Variants in ESRRG observed in about 807,000 individuals in gnomAD.
ESRRG encodes the protein estrogen related receptor gamma, also known as estrogen-related receptor gamma.
ESRRG carries 13 observed loss-of-function variants against 44.0 expected under a neutral mutation model. The observed-to-expected ratio is 0.30, with a 90% confidence interval of 0.19 to 0.47. ESRRG has a LOEUF of 0.47. Ranked by LOEUF, ESRRG falls within the 20% of genes least tolerant of loss-of-function variation. The pLI is 1.00. For synonymous variants in ESRRG, 215 were observed against 214.6 expected (o/e 1.00, Z -0.02); for missense variants, 395 against 580.6 (o/e 0.68, Z 3.29).
chr1:216,685,196 T>C (rs779831917), intron 1 of ESRRG, among the ~76,000 whole-genome samples: 43 of 152,022 alleles, frequency 2.8e-4, no homozygotes, highest in Non-Finnish European at 5.1e-4. Context: ...CTAACAGCCC[T>C]AGGCAATGGG....
At chr1:216,921,587 C>G (rs781353244) in intron 2 of ESRRG, among the ~76,000 whole-genome samples, 13 of 152,172 alleles carry the variant, frequency 8.5e-5, no homozygotes, top group African/African-American at 1.2e-4. Flanking sequence ...TAGGTGGCTG[C>G]TCACTCACTT....
chr1:217,016,604 G>C (rs985738447), intron 1 of ESRRG, among the ~76,000 whole-genome samples: 1 of 151,952 alleles, frequency 6.6e-6, no homozygotes, highest in South Asian at 2.1e-4. Flanking sequence ...TATCTGGGCT[G>C]GAAATCCTGT....
At chr1:216,599,228 T>C (rs114875810) in intron 3 of ESRRG, among the ~76,000 whole-genome samples, 233 of 152,236 alleles carry the variant, frequency 1.5e-3, no homozygotes, top group Non-Finnish European at 2.7e-3. Context: ...ACACAAGAGA[T>C]GAAATATACC....
At chr1:216,964,249 A>G (rs549996486) in intron 1 of ESRRG, among the ~76,000 whole-genome samples, 1 of 152,300 alleles carries the variant, frequency 6.6e-6, no homozygotes, top group Non-Finnish European at 1.5e-5. Context: ...GTAGGTGAAG[A>G]GAAAGTAAAT....
At chr1:216,668,464 C>T (rs1049662824) in intron 2 of ESRRG, among the ~76,000 whole-genome samples, 1 of 152,140 alleles carries the variant, frequency 6.6e-6, no homozygotes, top group African/African-American at 2.4e-5. Context: ...GTTTAATAAA[C>T]ATGTAAATCA....
At chr1:216,984,786 G>A (rs2074592274) in intron 1 of ESRRG, among the ~76,000 whole-genome samples, 2 of 152,298 alleles carry the variant, frequency 1.3e-5, no homozygotes, top group South Asian at 4.1e-4. Flanking sequence ...TCAAATTGAA[G>A]GGGGTCTACA....
At chr1:217,106,896 G>A (rs2151578170) in intron 1 of ESRRG, among the ~76,000 whole-genome samples, 1 of 152,248 alleles carries the variant, frequency 6.6e-6, no homozygotes, top group Admixed American at 6.5e-5. Context: ...CTTTCACCAA[G>A]CTCTGCGTGT....
intron 2 of ESRRG, among the ~76,000 whole-genome samples, chr1:216,928,138 T>C (rs1388754242): frequency 6.6e-6 from 1 of 152,192 alleles, no homozygotes; most frequent in African/African-American, 2.4e-5. Flanking sequence ...TTGTTAATTA[T>C]AGAATAGATA....
chr1:216,687,693 T>C (rs2078278449), intron 1 of ESRRG, among the ~76,000 whole-genome samples: 1 of 152,144 alleles, frequency 6.6e-6, no homozygotes, highest in Admixed American at 6.5e-5. Context: ...TCTAGACCAC[T>C]CCAAGGTCAA....
chr1:216,819,480 A>C (rs1186127000), intron 2 of ESRRG, among the ~76,000 whole-genome samples: 2 of 152,196 alleles, frequency 1.3e-5, no homozygotes, highest in African/African-American at 4.8e-5. Context: ...TTATGGCCCA[A>C]ATCACATTTC....
At chr1:217,078,986 G>A (rs1048385130) in intron 1 of ESRRG, among the ~76,000 whole-genome samples, 1 of 152,174 alleles carries the variant, frequency 6.6e-6, no homozygotes, top group African/African-American at 2.4e-5. Flanking sequence ...CTATAGAGAT[G>A]TTAGGAACAG....
intron 2 of ESRRG, among the ~76,000 whole-genome samples, chr1:216,841,665 G>T (rs755327091): frequency 6.6e-6 from 1 of 152,006 alleles, no homozygotes; most frequent in South Asian, 2.1e-4. Context: ...ACTTTATCAC[G>T]CCAGCACCTC....
At chr1:216,562,729 A>G (rs2149523495) in intron 5 of ESRRG, among the ~76,000 whole-genome samples, 1 of 152,248 alleles carries the variant, frequency 6.6e-6, no homozygotes, top group East Asian at 1.9e-4. Flanking sequence ...ATGTGTGTAT[A>G]CATATATCAT....
intron 2 of ESRRG, among the ~76,000 whole-genome samples, chr1:216,776,838 G>A (rs993993196): frequency 6.6e-6 from 1 of 152,124 alleles, no homozygotes; most frequent in Non-Finnish European, 1.5e-5. Flanking sequence ...GTAGCACTGA[G>A]GCAACACTAG....
intron 1 of ESRRG, among the ~76,000 whole-genome samples, chr1:216,691,682 C>A (rs1273604932): frequency 3.3e-5 from 5 of 152,124 alleles, no homozygotes; most frequent in African/African-American, 9.7e-5. Context: ...GTTCACCATC[C>A]ATCCCTTTCA....
At chr1:216,881,013 C>T (rs887133823) in intron 2 of ESRRG, among the ~76,000 whole-genome samples, 3 of 151,930 alleles carry the variant, frequency 2.0e-5, no homozygotes, top group Non-Finnish European at 2.9e-5. Flanking sequence ...CAGTCAGCCA[C>T]GGGGAAAATC....
chr1:216,922,398 G>C (rs1427490633), intron 2 of ESRRG, among the ~76,000 whole-genome samples: 1 of 152,168 alleles, frequency 6.6e-6, no homozygotes, highest in Admixed American at 6.6e-5. Flanking sequence ...CAGTTAAGCA[G>C]TAATGAGGGA....
intron 3 of ESRRG, among the ~76,000 whole-genome samples, chr1:216,649,081 A>G (rs1422797640): frequency 6.6e-6 from 1 of 152,100 alleles, no homozygotes; most frequent in East Asian, 1.9e-4. Flanking sequence ...CCTAACTGAA[A>G]GAAAAACTCT....
chr1:216,670,660 C>G (rs2074990030), intron 2 of ESRRG, among the ~76,000 whole-genome samples: 1 of 152,170 alleles, frequency 6.6e-6, no homozygotes, highest in Non-Finnish European at 1.5e-5. Flanking sequence ...TGGGTCTGTT[C>G]TCTGGAAGCT....
Sources: allele counts gnomAD v4.1 joint callset (sites outside exome capture counted in the v4.1 genomes callset), GRCh38; gene constraint gnomAD v4.1.1; transcripts MANE v1.5; gene names NCBI Gene and HGNC (gene_info 2026-07-23, HGNC 2026-07-21).